The following VAT1L variants were observed in gnomAD, a reference collection of about 807,000 sequenced individuals.
VAT1L encodes the protein putative NADPH-dependent quinone oxidoreductase VAT1L.
A neutral mutation model predicts 44.1 loss-of-function variants in VAT1L; 34 were observed. The ratio of observed to expected loss-of-function variants is 0.77; its 90% CI spans 0.59 to 1.03. The LOEUF is 1.03. VAT1L is among the 50% of genes least tolerant of loss of function. The pLI is 0.00. For missense variants in VAT1L, 615 were observed against 538.8 expected (o/e 1.14, Z -1.40); for synonymous variants, 253 against 202.2 (o/e 1.25, Z -2.13).
At chr16:77,873,966 A>G (rs1191003368) in intron 4 of VAT1L, among the ~76,000 whole-genome samples, 1 of 152,186 alleles carries the variant, frequency 6.6e-6, no homozygotes, top group Non-Finnish European at 1.5e-5. Flanking sequence ...GGCTATGGAC[A>G]TGCCCTGCTT....
intron 7 of VAT1L, among the ~76,000 whole-genome samples, chr16:77,937,817 G>C (rs369311227): frequency 6.6e-6 from 1 of 152,202 alleles, no homozygotes; most frequent in Non-Finnish European, 1.5e-5. Flanking sequence ...GAGATAACCT[G>C]AGCCTTAAAC....
intron 4 of VAT1L, among the ~76,000 whole-genome samples, chr16:77,863,336 A>G (rs2016936105): frequency 6.6e-6 from 1 of 152,190 alleles, no homozygotes; most frequent in Admixed American, 6.5e-5. Flanking sequence ...AGGGTCATGA[A>G]TAGGAGGTTT....
intron 1 of VAT1L, among the ~76,000 whole-genome samples, chr16:77,812,270 A>G (rs2145229451): frequency 6.6e-6 from 1 of 152,006 alleles, no homozygotes; most frequent in South Asian, 2.1e-4. Flanking sequence ...ATAGGGTTTC[A>G]CCGTGTTGGC....
Position 77,977,975 on chromosome 16 carries a change from G to C in VAT1L, c.*280G>C, listed in dbSNP as rs1008805968. 1 of 332,672 alleles carries C rather than the reference G, an allele frequency of 3.0e-6. No individual in the cohort carries two copies. The highest frequency in any genetic ancestry group is 5.7e-6 in the Non-Finnish European group (1 of 176,472). The allele number at this position is 332,672 out of a possible 1,614,324, so 20.6% of individuals were successfully genotyped here. A position where few individuals can be genotyped will look rare whatever the true frequency, so the allele number is the denominator to read the frequency against. ...GGTTCTTCTTGACAGTTCTAGAACA[G>C]CCTTGCAAATTAATACAAGTCCCAG... On this transcript the variant is annotated 3_prime_UTR_variant, in exon 9 of 9. Transcript: ENST00000302536.
intron 3 of VAT1L, among the ~76,000 whole-genome samples, chr16:77,837,731 C>T (rs1470072193): frequency 6.6e-6 from 1 of 152,184 alleles, no homozygotes. Flanking sequence ...AGTACTTTAA[C>T]TTCCTTGGAC....
intron 7 of VAT1L, among the ~76,000 whole-genome samples, chr16:77,959,513 T>G (rs2018139270): frequency 6.6e-6 from 1 of 152,242 alleles, no homozygotes. Flanking sequence ...CATTTCTTCT[T>G]TTTCAAAGCT....
intron 7 of VAT1L, among the ~76,000 whole-genome samples, chr16:77,902,944 G>A (rs2017399464): frequency 6.8e-6 from 1 of 146,536 alleles, no homozygotes; most frequent in Non-Finnish European, 1.5e-5. Flanking sequence ...CTGCACTCCG[G>A]CCTGGGCCAC....
chr16:77,815,203 G>A (rs951812230), intron 1 of VAT1L, among the ~76,000 whole-genome samples: 1 of 152,200 alleles, frequency 6.6e-6, no homozygotes, highest in East Asian at 1.9e-4. Context: ...ATTGAAGTAG[G>A]ATCTTTGGGA....
intron 7 of VAT1L, among the ~76,000 whole-genome samples, chr16:77,885,082 G>A (rs1328469984): frequency 6.6e-6 from 1 of 152,166 alleles, no homozygotes; most frequent in Non-Finnish European, 1.5e-5. Context: ...ACAATTCGGT[G>A]TGGTTACAAG....
At chr16:77,864,312 G>C (rs1315099992) in intron 4 of VAT1L, among the ~76,000 whole-genome samples, 1 of 151,912 alleles carries the variant, frequency 6.6e-6, no homozygotes, top group East Asian at 1.9e-4. Flanking sequence ...AAGAAACAAG[G>C]CTGGGCACAG....
chr16:77,837,684 C>G (rs2016654507), intron 3 of VAT1L, among the ~76,000 whole-genome samples: 1 of 152,192 alleles, frequency 6.6e-6, no homozygotes, highest in African/African-American at 2.4e-5. Context: ...GGTTTTCATG[C>G]CAGCTTCTCT....
intron 4 of VAT1L, among the ~76,000 whole-genome samples, chr16:77,866,416 G>A (rs961139191): frequency 2.0e-5 from 3 of 151,738 alleles, no homozygotes; most frequent in East Asian, 1.9e-4. Context: ...AGCACATTGC[G>A]TGAAAAAAGC....
chr16:77,954,452 C>T (rs937653286), intron 7 of VAT1L, among the ~76,000 whole-genome samples: 1 of 152,212 alleles, frequency 6.6e-6, no homozygotes, highest in Non-Finnish European at 1.5e-5. Context: ...TGGTGAAACC[C>T]GGTCTCTACT....
chr16:77,813,147 G>A (rs1291078827), intron 1 of VAT1L, among the ~76,000 whole-genome samples: 2 of 151,952 alleles, frequency 1.3e-5, no homozygotes, highest in Non-Finnish European at 2.9e-5. Flanking sequence ...GCATTGACAT[G>A]CCCCTGTTTT....
chr16:77,827,586 A>G (rs186737526), intron 3 of VAT1L, among the ~76,000 whole-genome samples: 40 of 152,374 alleles, frequency 2.6e-4, no homozygotes, highest in Admixed American at 2.3e-3. Context: ...AAATAAGTCA[A>G]TGCACATAGC....
chr16:77,801,960 A>T (rs920649929), intron 1 of VAT1L, among the ~76,000 whole-genome samples: 1 of 152,156 alleles, frequency 6.6e-6, no homozygotes, highest in Non-Finnish European at 1.5e-5. Flanking sequence ...ACGATGCATG[A>T]CGCAGCCATC....
At chr16:77,799,504 GGTGTGT>G (rs10525414) in intron 1 of VAT1L, among the ~76,000 whole-genome samples, 14,953 of 140,600 alleles carry the variant, frequency 0.11, 1,006 homozygotes, top group African/African-American at 0.18. Flanking sequence ...TGGAATACAT[GGTGTGT>G]GTGTGTGTGT....
intron 3 of VAT1L, among the ~76,000 whole-genome samples, chr16:77,842,633 G>C (rs1310012926): frequency 6.6e-6 from 1 of 152,196 alleles, no homozygotes; most frequent in Non-Finnish European, 1.5e-5. Flanking sequence ...GCCAAAGCCA[G>C]GGGTAGGTAG....
intron 3 of VAT1L, among the ~76,000 whole-genome samples, chr16:77,839,960 A>T (rs1597060982): frequency 6.6e-6 from 1 of 152,298 alleles, no homozygotes; most frequent in South Asian, 2.1e-4. Flanking sequence ...CTTTGGGGTG[A>T]GACTGACCTA....
Sources: allele counts gnomAD v4.1 joint callset (sites outside exome capture counted in the v4.1 genomes callset), GRCh38; gene constraint gnomAD v4.1.1; transcripts MANE v1.5; gene names NCBI Gene and HGNC (gene_info 2026-07-23, HGNC 2026-07-21).